Variants in GRAMD1C observed in about 807,000 individuals in gnomAD.
GRAMD1C encodes the protein protein Aster-C.
In GRAMD1C, 89 loss-of-function variants were observed where a neutral mutation model predicts 97.8. That is an observed-to-expected ratio of 0.91 (90% CI 0.77 to 1.09). The LOEUF is 1.09. GRAMD1C is among the 50% of genes least tolerant of loss of function. GRAMD1C has a pLI of 0.00. For missense variants in GRAMD1C, 740 were observed against 766.4 expected (o/e 0.97, Z 0.41); for synonymous variants, 256 against 267.0 (o/e 0.96, Z 0.40).
intron 1 of GRAMD1C, among the ~76,000 whole-genome samples, 164 bp downstream of exon 1, chr3:113,839,100 C>T (rs1336798491): frequency 2.0e-5 from 3 of 152,168 alleles, no homozygotes; most frequent in Admixed American, 2.0e-4. Flanking sequence ...AAACGGTTTC[C>T]TGTGCCTCTG....
chr3:113,881,402 C>G (rs1468072532), intron 5 of GRAMD1C, among the ~76,000 whole-genome samples: 1 of 152,214 alleles, frequency 6.6e-6, no homozygotes, highest in Non-Finnish European at 1.5e-5. Flanking sequence ...AGGTGATCCA[C>G]CCATCTCGGC....
At chr3:113,840,521 G>T (rs148988495) in intron 1 of GRAMD1C, among the ~76,000 whole-genome samples, 30 of 152,044 alleles carry the variant, frequency 2.0e-4, no homozygotes, top group South Asian at 1.0e-3. Flanking sequence ...AAGAAGTATC[G>T]CTTGAGGACA....
intron 8 of GRAMD1C, among the ~76,000 whole-genome samples, chr3:113,906,803 A>G (rs1457445480): frequency 6.6e-6 from 1 of 152,174 alleles, no homozygotes; most frequent in Non-Finnish European, 1.5e-5. Context: ...AGCTCCATTC[A>G]TGGTATAAAC....
intron 1 of GRAMD1C, among the ~76,000 whole-genome samples, chr3:113,830,447 C>A (rs1431039936): frequency 6.6e-6 from 1 of 152,158 alleles, no homozygotes. Context: ...TTGGTGGCTG[C>A]TTTTTGTTAA....
chr3:113,860,752 G>A (rs1934336954), intron 2 of GRAMD1C, among the ~76,000 whole-genome samples: 1 of 152,052 alleles, frequency 6.6e-6, no homozygotes, highest in Non-Finnish European at 1.5e-5. Context: ...GATCACCTGA[G>A]GTCAGGAGTT....
intron 14 of GRAMD1C, 22 bp downstream of exon 14, chr3:113,936,464 G>C (rs963645236): frequency 8.6e-6 from 13 of 1,503,390 alleles, no homozygotes; most frequent in Non-Finnish European, 1.2e-5. Flanking sequence ...CTGGTAAACA[G>C]AGATGAAAGA....
At chr3:113,933,813 G>A (rs190559812) in intron 12 of GRAMD1C, among the ~76,000 whole-genome samples, 160 bp downstream of exon 12, 31 of 152,236 alleles carry the variant, frequency 2.0e-4, no homozygotes, top group Admixed American at 1.8e-3. Flanking sequence ...CTCACCTAAG[G>A]CCCCCGCTTG....
chr3:113,884,856 A>AG (rs1477139196), intron 6 of GRAMD1C, among the ~76,000 whole-genome samples: 1 of 150,252 alleles, frequency 6.7e-6, no homozygotes, highest in East Asian at 1.9e-4. Context: ...AAAAAAAAAA[A>AG]GAAAAAAGAG....
chr3:113,904,349 C>T, intron 8 of GRAMD1C, 77 bp downstream of exon 8: 1 of 1,039,154 alleles, frequency 9.6e-7, no homozygotes, highest in Middle Eastern at 2.3e-4. Context: ...AATAAGGATA[C>T]AGTATACAAA....
chr3:113,876,868 A>G (rs1935061430), intron 5 of GRAMD1C, among the ~76,000 whole-genome samples: 2 of 151,674 alleles, frequency 1.3e-5, no homozygotes, highest in Admixed American at 1.3e-4. Flanking sequence ...AAGGAAAGAG[A>G]AAAAAAGAGG....
upstream of GRAMD1C, among the ~76,000 whole-genome samples, chr3:113,836,351 T>G (rs951034058): frequency 2.0e-5 from 3 of 152,170 alleles, no homozygotes; most frequent in African/African-American, 7.2e-5. Flanking sequence ...TTCCATCTCT[T>G]CAACTTTACA....
chr3:113,946,465 T>A lies in GRAMD1C; in HGVS notation c.*987T>A, dbSNP rs1472558782. 6.6e-6 allele frequency: 1 copy of A among 152,256 alleles called. No individual in the cohort carries two copies. The highest frequency in any genetic ancestry group is 2.4e-5 in the African/African-American group (1 of 41,470). The allele number at this position is 152,256 out of a possible 1,614,324, so 9.4% of individuals were successfully genotyped here. ...TGTCCCAGTACAAGTGTACTGACTATCAAGTTTTAACTCAGATGCAAGCTT... is the reference window on the plus strand; with the variant it reads ...TGTCCCAGTACAAGTGTACTGACTAACAAGTTTTAACTCAGATGCAAGCTT... On this transcript the variant is annotated 3_prime_UTR_variant, in exon 18 of 18. Transcript: ENST00000358160.
At chr3:113,888,805 G>C (rs912476427) in intron 6 of GRAMD1C, among the ~76,000 whole-genome samples, 2 of 152,180 alleles carry the variant, frequency 1.3e-5, no homozygotes, top group African/African-American at 2.4e-5. Flanking sequence ...CCATAGATCT[G>C]TTCTTGCAAA....
chr3:113,850,058 C>T (rs959664418), intron 2 of GRAMD1C, among the ~76,000 whole-genome samples: 3 of 151,868 alleles, frequency 2.0e-5, no homozygotes, highest in African/African-American at 4.8e-5. Flanking sequence ...GGCGGCTGGC[C>T]GGACGGGGGG....
intron 6 of GRAMD1C, among the ~76,000 whole-genome samples, chr3:113,888,770 G>A (rs181901133): frequency 1.2e-4 from 19 of 152,336 alleles, no homozygotes; most frequent in Non-Finnish European, 2.1e-4. Flanking sequence ...TTGAAAAACA[G>A]TTTGGCAGCT....
At chr3:113,905,452 G>A (rs1179774969) in intron 8 of GRAMD1C, among the ~76,000 whole-genome samples, 2 of 152,124 alleles carry the variant, frequency 1.3e-5, no homozygotes, top group African/African-American at 4.8e-5. Flanking sequence ...TGCAAGTTTG[G>A]GGGCAGAGCT....
At chr3:113,931,185 T>C (rs1937404430) in intron 11 of GRAMD1C, among the ~76,000 whole-genome samples, 1 of 152,144 alleles carries the variant, frequency 6.6e-6, no homozygotes, top group Non-Finnish European at 1.5e-5. Context: ...TGACATTATA[T>C]TGATGTCTAG....
intron 10 of GRAMD1C, among the ~76,000 whole-genome samples, chr3:113,928,254 TG>T (rs1937297589): frequency 6.6e-6 from 1 of 152,168 alleles, no homozygotes; most frequent in African/African-American, 2.4e-5. Context: ...TCAACCCTGT[TG>T]TTTCCTGTTT....
chr3:113,918,413 CGTT>C (rs1387131219), intron 10 of GRAMD1C, among the ~76,000 whole-genome samples: 2 of 152,182 alleles, frequency 1.3e-5, no homozygotes, highest in Non-Finnish European at 1.5e-5. Context: ...GGAATTAGGA[CGTT>C]GTTGTATGCT....
Sources: allele counts gnomAD v4.1 joint callset (sites outside exome capture counted in the v4.1 genomes callset), GRCh38; gene constraint gnomAD v4.1.1; transcripts MANE v1.5; gene names NCBI Gene and HGNC (gene_info 2026-07-23, HGNC 2026-07-21).